PIP5K1C: variants seen among roughly 807,000 people sequenced by gnomAD.
The protein encoded by PIP5K1C is phosphatidylinositol-4-phosphate 5-kinase type 1 gamma.
PIP5K1C carries 45 observed loss-of-function variants against 80.1 expected under a neutral mutation model. The ratio of observed to expected loss-of-function variants is 0.56; its 90% CI spans 0.44 to 0.72. The LOEUF (loss-of-function observed/expected upper bound fraction) is 0.72, where lower values mean the gene tolerates loss of function less well. PIP5K1C is among the 30% of genes least tolerant of loss of function. The probability of loss-of-function intolerance (pLI) is 0.00; values close to 1 mark genes in which losing one functional copy is unlikely to be tolerated. For missense variants in PIP5K1C, 753 were observed against 954.6 expected (o/e 0.79, Z 2.78); for synonymous variants, 498 against 420.1 (o/e 1.19, Z -2.27).
In PIP5K1C at chr19:3,692,461, G is replaced by A. The variant is rs1331377070; in HGVS notation, c.94+7836C>T. ...GGCAGCTCTGTCCTTCCAGGGCTCA[G>A]GCTAAAATCTTGATTTCAAACTCAA... On this transcript the variant is annotated intron_variant, in intron 1 of 17. Transcript: ENST00000335312. This position sits in a 1 kb window ranked among gnomAD's most constrained non-coding sequence, Gnocchi z 5.2. Among the ~76,000 whole-genome samples the A allele has an allele frequency of 6.6e-5, 10 of 152,286 alleles. No individual in the cohort carries two copies. Among genetic ancestry groups the A allele is most frequent in the African/African-American group, 2.4e-4 (10 of 41,556 alleles).
chr19:3,658,091 AG>A (rs2034699365), intron 5 of PIP5K1C, among the ~76,000 whole-genome samples: 1 of 152,224 alleles, frequency 6.6e-6, no homozygotes, highest in East Asian at 1.9e-4. Context: ...CATCAGGCCC[AG>A]GGCCTGGGAA....
chr19:3,679,539 G>C (rs182914494), intron 1 of PIP5K1C, among the ~76,000 whole-genome samples: 32 of 152,302 alleles, frequency 2.1e-4, no homozygotes, highest in African/African-American at 7.7e-4. Flanking sequence ...TCTCGTTCAC[G>C]GTTGCTCTCC....
chr19:3,665,066 C>A, intron 2 of PIP5K1C, 152 bp from the exon 3 acceptor site: 1 of 718,742 alleles, frequency 1.4e-6, no homozygotes, highest in Non-Finnish European at 2.5e-6. Flanking sequence ...CGGGGTGCAG[C>A]AGGAGGCCCC....
chr19:3,669,518 CGA>C (rs1166481375), intron 1 of PIP5K1C, among the ~76,000 whole-genome samples: 2 of 152,154 alleles, frequency 1.3e-5, no homozygotes, highest in Non-Finnish European at 2.9e-5. Flanking sequence ...AGAATTTCCC[CGA>C]GAGACAAAAA....
rs555666080 is a variant in PIP5K1C at position 3,648,314 on chromosome 19, G to T, written c.1211+311C>A. Among the ~76,000 whole-genome samples, 1 of 152,170 alleles carries T rather than the reference G, an allele frequency of 6.6e-6. No individual in the cohort carries two copies. Among genetic ancestry groups the T allele is most frequent in the Non-Finnish European group, 1.5e-5 (1 of 68,030 alleles). On this transcript the variant is annotated intron_variant, in intron 9 of 17. Coordinates refer to ENST00000335312, the MANE Select transcript of PIP5K1C (RefSeq NM_012398.3). The surrounding 1 kb of genome is among the most constrained non-coding windows in gnomAD (Gnocchi z 4.3). ...CTAGATTACAGGTGTGGACCACTAC[G>T]CCCAACTCACTCTAGATTTTCAAGG...
At chr19:3,662,109 G>A (rs546107997) in intron 3 of PIP5K1C, 108 bp from the exon 4 acceptor site, 101 of 1,360,716 alleles carry the variant, frequency 7.4e-5, no homozygotes, top group South Asian at 6.2e-4. Flanking sequence ...CTTGGGACCC[G>A]GCACCTGCCA....
intron 15 of PIP5K1C, among the ~76,000 whole-genome samples, chr19:3,640,964 G>A (rs2033936386): frequency 6.6e-6 from 1 of 152,160 alleles, no homozygotes; most frequent in African/African-American, 2.4e-5. Flanking sequence ...TGGGATTACA[G>A]GCATGAGCCA....
At chr19:3,663,815 C>A (rs1428723002) in intron 3 of PIP5K1C, among the ~76,000 whole-genome samples, 2 of 152,184 alleles carry the variant, frequency 1.3e-5, no homozygotes, top group Non-Finnish European at 2.9e-5. Context: ...GAACAGTTTG[C>A]GAGTTTCTCA....
intron 3 of PIP5K1C, among the ~76,000 whole-genome samples, chr19:3,663,477 G>A (rs896004928): frequency 1.3e-5 from 2 of 152,132 alleles, no homozygotes; most frequent in Admixed American, 6.5e-5. Context: ...CATACAAACG[G>A]CCCTGAAGCC....
intron 1 of PIP5K1C, among the ~76,000 whole-genome samples, chr19:3,689,695 T>C (rs920117811): frequency 6.6e-6 from 1 of 152,080 alleles, no homozygotes; most frequent in Non-Finnish European, 1.5e-5. Flanking sequence ...CCACAAATAA[T>C]GGAACTGGCT....
intron 1 of PIP5K1C, among the ~76,000 whole-genome samples, chr19:3,697,016 G>A (rs774759913): frequency 1.2e-4 from 18 of 151,770 alleles, no homozygotes; most frequent in Admixed American, 2.6e-4. Flanking sequence ...GAGCTGGACC[G>A]AGGAGGACCG....
intron 16 of PIP5K1C, chr19:3,638,118 G>A: frequency 7.5e-7 from 1 of 1,342,056 alleles, no homozygotes; most frequent in Non-Finnish European, 9.8e-7. Context: ...TGCAGGGTGA[G>A]AACAAACCAT....
chr19:3,677,645 G>C (rs1031826368), intron 1 of PIP5K1C, among the ~76,000 whole-genome samples: 1 of 149,300 alleles, frequency 6.7e-6, no homozygotes, highest in African/African-American at 2.5e-5. Context: ...TGACAGGTGG[G>C]GGTGCTGAGG....
At position 3,700,432 on chromosome 19, in the gene PIP5K1C, G is replaced by T; in HGVS notation, c.-42C>A. On this transcript the variant is annotated 5_prime_UTR_variant, in exon 1 of 18. Coordinates refer to ENST00000335312, the MANE Select transcript of PIP5K1C (RefSeq NM_012398.3). Reference sequence around the variant, plus strand: ...CGGCGGGGGCGCCCGAGGGGGACCCGAGCTGCGACCGCCGCCGCCGAACAA... The same window carrying T: ...CGGCGGGGGCGCCCGAGGGGGACCCTAGCTGCGACCGCCGCCGCCGAACAA... 1 of 1,015,040 alleles carries T rather than the reference G, an allele frequency of 9.9e-7. No homozygotes were observed. Among genetic ancestry groups the T allele is most frequent in the Non-Finnish European group, 1.2e-6 (1 of 841,810 alleles). 62.9% of individuals were successfully genotyped at this position (1,015,040 alleles called of 1,614,324 possible).
In PIP5K1C at chr19:3,653,389, G is replaced by A. The variant is rs1599970534; in HGVS notation, c.822C>T (p.Thr274=). The change falls in exon 7 of 18, where the codon ACC becomes ACT. Residue 274 remains threonine, a synonymous_variant. Transcript: ENST00000335312. Reference sequence around the variant, plus strand: ...CCTGCATGAAGTCCAGGTCCTTGTAGGTGGGGAAGCTCTTCTCCTTCTCCT... The same window carrying A: ...CCTGCATGAAGTCCAGGTCCTTGTAAGTGGGGAAGCTCTTCTCCTTCTCCT... ...SKKEKEKSFP[T]YKDLDFMQDM... The A allele has an allele frequency of 1.2e-6, 2 of 1,613,006 alleles. No homozygotes were observed. The highest frequency in any genetic ancestry group is 2.7e-5 in the African/African-American group (2 of 75,074).
At chr19:3,663,847 G>A (rs563013001) in intron 3 of PIP5K1C, among the ~76,000 whole-genome samples, 12 of 152,334 alleles carry the variant, frequency 7.9e-5, no homozygotes, top group African/African-American at 2.4e-4. Flanking sequence ...CGAGTTACAC[G>A]TGACTTGGCA....
At chr19:3,681,262 G>A (rs535003253) in intron 1 of PIP5K1C, among the ~76,000 whole-genome samples, 46 of 148,022 alleles carry the variant, frequency 3.1e-4, no homozygotes, top group African/African-American at 9.5e-4. Context: ...ATAGAGTCTC[G>A]TTCTGTCGCC....
At chr19:3,651,286 G>A (rs2034439634) in intron 8 of PIP5K1C, among the ~76,000 whole-genome samples, 1 of 152,122 alleles carries the variant, frequency 6.6e-6, no homozygotes, top group African/African-American at 2.4e-5. Context: ...GAACTCCGGG[G>A]CTGAGGCAAT....
chr19:3,639,017 C>G lies in PIP5K1C; in HGVS notation c.1788-1G>C, dbSNP rs2033838922. 6.2e-7 allele frequency: 1 copy of G among 1,610,234 alleles called. No individual in the cohort carries two copies. Among genetic ancestry groups the G allele is most frequent in the Admixed American group, 1.7e-5 (1 of 59,984 alleles). ...GGCACCGGCCGGGGAAGCCTCCACC[C>G]TGGGGACAGGAGTAGACAGAGGGTC... On this transcript the variant is annotated splice_acceptor_variant, in intron 15 of 17. Transcript: ENST00000335312. LOFTEE classifies it high-confidence loss of function.
Sources: allele counts gnomAD v4.1 joint callset (sites outside exome capture counted in the v4.1 genomes callset), GRCh38; gene constraint gnomAD v4.1.1; non-coding constraint Gnocchi (gnomAD v3.1); transcripts MANE v1.5; gene names NCBI Gene and HGNC (gene_info 2026-07-23, HGNC 2026-07-21).